CENPC: variants seen among roughly 807,000 people sequenced by gnomAD.
The protein encoded by CENPC is centromere protein C, also known as CENP-C 1.
Under a neutral mutation model 112.1 loss-of-function variants are expected in CENPC, and 63 were observed. The observed-to-expected ratio is 0.56, with a 90% confidence interval of 0.46 to 0.69. CENPC has a LOEUF of 0.69. CENPC is among the 30% of genes least tolerant of loss of function. CENPC has a pLI of 0.00. For synonymous variants in CENPC, 333 were observed against 367.6 expected, an observed-to-expected ratio of 0.91 and a Z score of 1.08; for missense variants, 1,000 against 1,103.8, an observed-to-expected ratio of 0.91 and a Z score of 1.33.
chr4:67,534,341 G>A (rs571383378), intron 4 of CENPC, among the ~76,000 whole-genome samples: 14 of 151,954 alleles, frequency 9.2e-5, no homozygotes, highest in African/African-American at 1.4e-4. Context: ...GCTTGAACCC[G>A]GGAGGCAGAG....
chr4:67,497,728 C>T (rs927778828), intron 12 of CENPC, among the ~76,000 whole-genome samples: 1 of 152,034 alleles, frequency 6.6e-6, no homozygotes, highest in Admixed American at 6.6e-5. Context: ...AAACAGGTTT[C>T]TGGCATGCTG....
In CENPC at chr4:67,492,958, A is replaced by G. The variant is rs1398127749; in HGVS notation, c.2330T>C (p.Ile777Thr). Residue 777 changes from isoleucine to threonine, a missense_variant, in exon 15 of 19, where the codon ATA becomes ACA. Transcript: ENST00000273853. ...VISGVLSPDT[I>T]SSKRKAKENI... ...TTCTTTTGCCTTCCTTTTAGACGATATTGTGTCTGGAGATAGTACTCCACT... is the reference window on the plus strand; with the variant it reads ...TTCTTTTGCCTTCCTTTTAGACGATGTTGTGTCTGGAGATAGTACTCCACT... 2 of 1,552,148 alleles carry G rather than the reference A, an allele frequency of 1.3e-6. 1 individual carries two copies. Among genetic ancestry groups the G allele is most frequent in the South Asian group, 2.4e-5 (2 of 82,684 alleles).
intron 15 of CENPC, among the ~76,000 whole-genome samples, chr4:67,492,497 G>A (rs1348664084): frequency 6.6e-6 from 1 of 152,068 alleles, no homozygotes; most frequent in African/African-American, 2.4e-5. Context: ...TTTTCTGTAA[G>A]CCTTAACATG....
rs759810924 is a variant in CENPC at position 67,514,032 on chromosome 4, G to A, written c.1444+42C>T. On this transcript the variant is annotated intron_variant, in intron 8 of 18. Transcript: ENST00000273853. The stretch of plus-strand genomic sequence containing the variant: ...TTAGGATATTAAAAAACATAAAATG[G>A]GTAGAATAATGCTCATGGTTATATT... 19 of 1,489,622 alleles carry A rather than the reference G, an allele frequency of 1.3e-5. No individual in the cohort carries two copies. In the Admixed American group the frequency reaches 2.9e-4, roughly 23 times the overall value. 92.3% of individuals were successfully genotyped at this position (1,489,622 alleles called of 1,614,324 possible).
chr4:67,532,745 T>TG (rs1560442588), intron 4 of CENPC, among the ~76,000 whole-genome samples: 1 of 108,236 alleles, frequency 9.2e-6, no homozygotes, highest in Non-Finnish European at 1.9e-5. Context: ...CAGGGCCTGC[T>TG]GGGGGGTAGG....
chr4:67,516,248 A>C (rs963947386), intron 7 of CENPC, among the ~76,000 whole-genome samples: 5 of 152,006 alleles, frequency 3.3e-5, no homozygotes, highest in Non-Finnish European at 7.3e-5. Context: ...CAAGGACAGT[A>C]ATCTGATAGA....
chr4:67,514,555 T>C lies in CENPC; in HGVS notation c.963A>G (p.Pro321=). 2 of 1,611,848 alleles carry C rather than the reference T, an allele frequency of 1.2e-6. No homozygotes were observed. The highest frequency in any genetic ancestry group is 1.7e-6 in the Non-Finnish European group (2 of 1,178,972). Residue 321 remains proline, a synonymous_variant, in exon 8 of 19, where the codon CCA becomes CCG. Transcript: ENST00000273853. ...SFASRSWITI[P]RKAGSLKQRT... is the part of the protein sequence containing the mutation. ...GTTGTTTCAGAGACCCTGCCTTTCT[T>C]GGTATTGTAATCCAAGATCTACTGG...
At chr4:67,500,168 G>GA (rs1449820869) in intron 12 of CENPC, among the ~76,000 whole-genome samples, 63 of 147,982 alleles carry the variant, frequency 4.3e-4, no homozygotes, top group African/African-American at 1.5e-3. Flanking sequence ...ACATGCTATT[G>GA]AAAAAAAAAA....
Position 67,472,496 on chromosome 4 carries a change from T to C in CENPC, c.*109A>G, listed in dbSNP as rs927601167. On this transcript the variant is annotated 3_prime_UTR_variant, in exon 19 of 19. Coordinates refer to ENST00000273853, the MANE Select transcript of CENPC (RefSeq NM_001812.4). ...CAAGTCTACAGAAAACTGAATAAAATTTTTATTTTAAAACATCACAAGTAA... is the reference window on the plus strand; with the variant it reads ...CAAGTCTACAGAAAACTGAATAAAACTTTTATTTTAAAACATCACAAGTAA... 1.6e-6 allele frequency: 2 copies of C among 1,241,176 alleles called. No individual in the cohort carries two copies. The highest frequency in any genetic ancestry group is 2.1e-6 in the Non-Finnish European group (2 of 973,668). The allele number at this position is 1,241,176 out of a possible 1,614,324, so 76.9% of individuals were successfully genotyped here.
Position 67,523,432 on chromosome 4 carries a change from T to A in CENPC, c.332-3930A>T, listed in dbSNP as rs375002767. 2.6e-5 allele frequency among the ~76,000 whole-genome samples: 4 copies of A among 152,338 alleles called. No individual in the cohort carries two copies. In the South Asian group the frequency reaches 8.3e-4, roughly 32 times the overall value. ...TATGAGTCAACAATTCTGACACTCT[T>A]TTACATGTATACAGAAATGTAAAAG... On this transcript the variant is annotated intron_variant, in intron 5 of 18. Coordinates refer to ENST00000273853, the MANE Select transcript of CENPC (RefSeq NM_001812.4).
chr4:67,538,339 T>C (rs1288756529), intron 4 of CENPC, among the ~76,000 whole-genome samples: 1 of 152,210 alleles, frequency 6.6e-6, no homozygotes, highest in Non-Finnish European at 1.5e-5. Context: ...TTAGAAGTCA[T>C]TGCAGTGGAC....
At position 67,471,562 on chromosome 4, in the gene CENPC, TAA is replaced by T. The variant is rs1724660877; in HGVS notation, c.*1041_*1042del. The T allele has an allele frequency of 6.6e-6, 1 of 151,618 alleles. No homozygotes were observed. Among genetic ancestry groups the T allele is most frequent in the Non-Finnish European group, 1.5e-5 (1 of 67,884 alleles). The allele number at this position is 151,618 out of a possible 1,614,324, so 9.4% of individuals were successfully genotyped here. A position where few individuals can be genotyped will look rare whatever the true frequency, so the allele number is the denominator to read the frequency against. On this transcript the variant is annotated 3_prime_UTR_variant, in exon 19 of 19. Coordinates refer to ENST00000273853, the MANE Select transcript of CENPC (RefSeq NM_001812.4). The stretch of plus-strand genomic sequence containing the variant: ...AAAAAAAAAATTAAAAATGACTCAA[TAA>T]AAGAGAAATCACAATAGAAAATTAT...
chr4:67,513,687 G>T (rs1725962866), intron 8 of CENPC, among the ~76,000 whole-genome samples: 1 of 152,126 alleles, frequency 6.6e-6, no homozygotes, highest in Admixed American at 6.6e-5. Flanking sequence ...ACAACTGTTA[G>T]ACACATGAGT....
rs767043982 is a variant in CENPC, at chr4:67,530,795, C to A, written c.331+20G>T. The A allele has an allele frequency of 7.9e-7, 1 of 1,270,664 alleles. No homozygotes were observed. Among genetic ancestry groups the A allele is most frequent in the Non-Finnish European group, 1.1e-6 (1 of 899,022 alleles). The allele number at this position is 1,270,664 out of a possible 1,614,324, so 78.7% of individuals were successfully genotyped here. On this transcript the variant is annotated intron_variant, in intron 5 of 18. Transcript: ENST00000273853. ...TTTAAATATATCCAAGCAAATAATG[C>A]CCATGGAGATGGCACCAACCTGATC...
chr4:67,474,620 C>A, intron 18 of CENPC: 1 of 335,482 alleles, frequency 3.0e-6, no homozygotes. Context: ...ATCGCTTGAA[C>A]CCAGGAGGTG....
intron 5 of CENPC, among the ~76,000 whole-genome samples, chr4:67,524,165 A>G: frequency 6.6e-6 from 1 of 152,124 alleles, no homozygotes; most frequent in African/African-American, 2.4e-5. Context: ...CAACTATAAG[A>G]AGACACCAAC....
intron 5 of CENPC, among the ~76,000 whole-genome samples, chr4:67,522,771 G>A (rs568883446): frequency 2.0e-5 from 3 of 151,994 alleles, no homozygotes; most frequent in Non-Finnish European, 4.4e-5. Flanking sequence ...AGGCCAAGGT[G>A]GGTGGATCAC....
chr4:67,471,327 G>C lies in CENPC; in HGVS notation c.*1278C>G, dbSNP rs2109753632. Reference sequence around the variant, plus strand: ...AATTTAAAACAATACAAATCCCTTAGATATAAAACAAAATTGAGTTGCTAC... The same window carrying C: ...AATTTAAAACAATACAAATCCCTTACATATAAAACAAAATTGAGTTGCTAC... On this transcript the variant is annotated 3_prime_UTR_variant, in exon 19 of 19. Coordinates refer to ENST00000273853, the MANE Select transcript of CENPC (RefSeq NM_001812.4). 1 of 152,160 alleles carries C rather than the reference G, an allele frequency of 6.6e-6. No individual in the cohort carries two copies. Among genetic ancestry groups the C allele is most frequent in the East Asian group, 1.9e-4 (1 of 5,174 alleles). The allele number at this position is 152,160 out of a possible 1,614,324, so 9.4% of individuals were successfully genotyped here. A position where few individuals can be genotyped will look rare whatever the true frequency, so the allele number is the denominator to read the frequency against.
chr4:67,480,994 G>A (rs1392194189), intron 17 of CENPC, among the ~76,000 whole-genome samples: 3 of 152,110 alleles, frequency 2.0e-5, no homozygotes, highest in Admixed American at 2.0e-4. Flanking sequence ...TAGAAAAGAG[G>A]AAGTCAAACT....
Sources: allele counts gnomAD v4.1 joint callset (sites outside exome capture counted in the v4.1 genomes callset), GRCh38; gene constraint gnomAD v4.1.1; transcripts MANE v1.5; gene names NCBI Gene and HGNC (gene_info 2026-07-23, HGNC 2026-07-21).